Variants in PRKG1 observed in about 807,000 individuals in gnomAD.
PRKG1 encodes cGMP-dependent protein kinase 1.
Under a neutral mutation model 88.1 loss-of-function variants are expected in PRKG1, and 35 were observed. That is an observed-to-expected ratio of 0.40 (90% CI 0.30 to 0.53). PRKG1 has a LOEUF of 0.53. Among genes scored for constraint, PRKG1 ranks in the 20% least tolerant of loss-of-function variants. PRKG1 has a pLI of 0.59. For synonymous variants in PRKG1, 303 were observed against 292.5 expected, an observed-to-expected ratio of 1.04 and a Z score of -0.37; for missense variants, 540 against 839.8, an observed-to-expected ratio of 0.64 and a Z score of 4.41.
intron 10 of PRKG1, among the ~76,000 whole-genome samples, chr10:52,260,228 G>A (rs550445491): frequency 3.4e-4 from 52 of 152,094 alleles, no homozygotes; most frequent in African/African-American, 1.0e-3. Context: ...GAATTGTATC[G>A]TTAGCCTTTT....
At chr10:52,211,751 C>T (rs962538704) in intron 9 of PRKG1, among the ~76,000 whole-genome samples, 6 of 134,292 alleles carry the variant, frequency 4.5e-5, no homozygotes, top group South Asian at 2.4e-4. Context: ...AGTAAAGTAA[C>T]GGGGGTGATG....
chr10:51,249,938 T>C (rs995180185), intron 2 of PRKG1, among the ~76,000 whole-genome samples: 1 of 151,860 alleles, frequency 6.6e-6, no homozygotes, highest in African/African-American at 2.4e-5. Flanking sequence ...GTAAGTAATA[T>C]GTTAGATGAT....
At chr10:51,581,694 T>G (rs1838040997) in intron 3 of PRKG1, among the ~76,000 whole-genome samples, 1 of 151,966 alleles carries the variant, frequency 6.6e-6, no homozygotes, top group East Asian at 1.9e-4. Flanking sequence ...TTGCATGCAA[T>G]TTTATATTTA....
At position 51,595,476 on chromosome 10, in the gene PRKG1, A is replaced by G. The variant is rs1423351083; in HGVS notation, c.592+127640A>G. Among the ~76,000 whole-genome samples, 7 of 152,164 alleles carry G rather than the reference A, an allele frequency of 4.6e-5. No individual in the cohort carries two copies. In the South Asian group the frequency reaches 1.0e-3, roughly 23 times the overall value. ...AAATCCTGTTTCTATTAAAAATAAT[A>G]AAAATTAGTTGAACATGTTGGTGCA... On this transcript the variant is annotated intron_variant, in intron 3 of 17. Transcript: ENST00000373980.
At chr10:51,913,612 T>G (rs1842273735) in intron 5 of PRKG1, among the ~76,000 whole-genome samples, 1 of 152,182 alleles carries the variant, frequency 6.6e-6, no homozygotes, top group Non-Finnish European at 1.5e-5. Flanking sequence ...TAGAGTTTCT[T>G]GGTCAAAAAT....
chr10:51,576,947 G>T (rs1837903924), intron 3 of PRKG1, among the ~76,000 whole-genome samples: 1 of 151,800 alleles, frequency 6.6e-6, no homozygotes, highest in Non-Finnish European at 1.5e-5. Context: ...TTAGCAAAAT[G>T]TACAATACTT....
chr10:51,604,699 TTCG>T (rs1838709757), intron 3 of PRKG1, among the ~76,000 whole-genome samples: 1 of 152,206 alleles, frequency 6.6e-6, no homozygotes, highest in Non-Finnish European at 1.5e-5. Flanking sequence ...GGCTCACTTC[TTCG>T]GTGCCCACTG....
At chr10:51,498,735 T>C (rs60565305) in intron 3 of PRKG1, among the ~76,000 whole-genome samples, 2,637 of 152,202 alleles carry the variant, frequency 0.017, 55 homozygotes, top group African/African-American at 0.044. Context: ...CTTAAGTGGG[T>C]GAGGAAGTGC....
intron 2 of PRKG1, among the ~76,000 whole-genome samples, chr10:51,258,459 G>A (rs1275832467): frequency 6.6e-6 from 1 of 152,150 alleles, no homozygotes; most frequent in Admixed American, 6.5e-5. Flanking sequence ...ATGATTCAAA[G>A]CTTCTATTTC....
chr10:52,086,689 G>C (rs1176551055), intron 7 of PRKG1, among the ~76,000 whole-genome samples: 2 of 152,016 alleles, frequency 1.3e-5, no homozygotes, highest in African/African-American at 4.8e-5. Context: ...GCCCTTTAGT[G>C]CTCCGTTGTG....
At chr10:52,190,020 A>G (rs1293877357) in intron 9 of PRKG1, among the ~76,000 whole-genome samples, 3 of 152,222 alleles carry the variant, frequency 2.0e-5, no homozygotes, top group Non-Finnish European at 2.9e-5. Context: ...TATTGGAGAC[A>G]TAGTATCTAT....
chr10:51,534,343 G>A (rs1471432521), intron 3 of PRKG1, among the ~76,000 whole-genome samples: 1 of 152,014 alleles, frequency 6.6e-6, no homozygotes, highest in Non-Finnish European at 1.5e-5. Context: ...ATGAGAAATT[G>A]CCAATATTCA....
intron 5 of PRKG1, among the ~76,000 whole-genome samples, chr10:51,960,844 C>T (rs1843430492): frequency 1.3e-5 from 2 of 152,140 alleles, no homozygotes. Context: ...AACAAAGAGC[C>T]TGTGAAACTG....
At chr10:51,419,566 T>G (rs1416671814) in intron 2 of PRKG1, among the ~76,000 whole-genome samples, 1 of 152,178 alleles carries the variant, frequency 6.6e-6, no homozygotes, top group African/African-American at 2.4e-5. Flanking sequence ...TTCTAAGAGC[T>G]ATTAATGAAC....
intron 1 of PRKG1, among the ~76,000 whole-genome samples, chr10:51,092,049 T>G (rs1286512324): frequency 1.3e-5 from 2 of 152,146 alleles, no homozygotes; most frequent in African/African-American, 4.8e-5. Flanking sequence ...CAACTTGGCT[T>G]TTTGGCTCCC....
At position 52,018,954 on chromosome 10, in the gene PRKG1, C is replaced by A. The variant is rs11522442; in HGVS notation, c.763-35530C>A. The stretch of plus-strand genomic sequence containing the variant: ...TCGTGTTGCTAAAAAGGAACACTTG[C>A]GCTTGGATAATTTATGAAGAAAAGG... On this transcript the variant is annotated intron_variant, in intron 5 of 17. Transcript: ENST00000373980. Among the ~76,000 whole-genome samples the A allele has an allele frequency of 1.2e-3, 177 of 141,618 alleles. 3 individuals are homozygous for A. The East Asian group carries it at 0.032, about 26-fold the overall frequency. The allele number at this position is 141,618 out of a possible 152,430, so 92.9% of individuals were successfully genotyped here.
chr10:51,714,928 T>C (rs1006314835), intron 3 of PRKG1, among the ~76,000 whole-genome samples: 1 of 152,232 alleles, frequency 6.6e-6, no homozygotes, highest in Admixed American at 6.5e-5. Flanking sequence ...TGTGTTCTTA[T>C]GAAATTATCT....
chr10:51,449,550 A>T (rs1449020822), intron 2 of PRKG1, among the ~76,000 whole-genome samples: 1 of 127,258 alleles, frequency 7.9e-6, no homozygotes, highest in African/African-American at 3.2e-5. Flanking sequence ...AGGCTAGCAA[A>T]CTTCAACATT....
intron 8 of PRKG1, 37 bp downstream of exon 8, chr10:52,133,942 A>C (rs767782547): frequency 3.9e-6 from 6 of 1,520,208 alleles, no homozygotes; most frequent in Non-Finnish European, 5.5e-6. Context: ...TTACACACTC[A>C]TATCAGCAAC....
Sources: gnomAD v4.1 joint callset for allele counts (sites outside exome capture counted in the v4.1 genomes callset) on GRCh38, gnomAD v4.1.1 for gene constraint, MANE v1.5 for transcripts, NCBI Gene and HGNC (gene_info 2026-07-23, HGNC 2026-07-21) for gene names.